Variants in EPHB2 observed in about 807,000 individuals in gnomAD.
EPHB2 encodes EPH receptor B2.
Under a neutral mutation model 96.4 loss-of-function variants are expected in EPHB2, and 18 were observed. That is an observed-to-expected ratio of 0.19 (90% CI 0.13 to 0.28). The LOEUF is 0.28. Ranked by LOEUF, EPHB2 falls within the 10% of genes least tolerant of loss-of-function variation. The pLI, the probability that EPHB2 is intolerant of heterozygous loss-of-function variation, is 1.00. For synonymous variants in EPHB2, 506 were observed against 534.1 expected, an observed-to-expected ratio of 0.95 and a Z score of 0.72; for missense variants, 989 against 1,355.4, an observed-to-expected ratio of 0.73 and a Z score of 4.25.
At chr1:22,880,045 G>A (rs769651323) in intron 5 of EPHB2, among the ~76,000 whole-genome samples, 8 of 152,098 alleles carry the variant, frequency 5.3e-5, no homozygotes, top group African/African-American at 1.7e-4. Flanking sequence ...TGGTCCCCAG[G>A]CTCATTCTCG....
Position 22,912,439 on chromosome 1 carries a change from C to G in EPHB2, c.2697-5C>G, listed in dbSNP as rs1230835332. 1.2e-6 allele frequency: 2 copies of G among 1,614,012 alleles called. No individual in the cohort carries two copies. The highest frequency in any genetic ancestry group is 3.3e-5 in the Admixed American group (2 of 60,024). The stretch of plus-strand genomic sequence containing the variant: ...ACCATCTCTGTCGCCCACCCCCAAC[C>G]CCAGCATCAACCTGCCGCTGCTGGA... On this transcript the variant is annotated splice_polypyrimidine_tract_variant and splice_region_variant and intron_variant, in intron 14 of 15. Transcript: ENST00000374630.
chr1:22,742,612 T>TC (rs1643917578), intron 1 of EPHB2, among the ~76,000 whole-genome samples: 1 of 152,022 alleles, frequency 6.6e-6, no homozygotes, highest in South Asian at 2.1e-4. Flanking sequence ...GCTCAAGCGA[T>TC]CCCCCCACCT....
intron 1 of EPHB2, among the ~76,000 whole-genome samples, chr1:22,772,391 A>G (rs907375471): frequency 4.6e-5 from 7 of 152,140 alleles, no homozygotes; most frequent in Non-Finnish European, 8.8e-5. Flanking sequence ...GAGTGGTGGG[A>G]GGACGAGAAG....
chr1:22,858,275 C>T lies in EPHB2; in HGVS notation c.812-4762C>T, dbSNP rs1645734452. ...AGACCATCAGGACCAACCTCACAGGCCTTGTAGCCAGGCTAGGCATGTGGG... is the reference window on the plus strand; with the variant it reads ...AGACCATCAGGACCAACCTCACAGGTCTTGTAGCCAGGCTAGGCATGTGGG... On this transcript the variant is annotated intron_variant, in intron 3 of 15. Coordinates refer to ENST00000374630, the MANE Select transcript of EPHB2 (RefSeq NM_017449.5). This position sits in a 1 kb window ranked among gnomAD's most constrained non-coding sequence, Gnocchi z 7.7. Among the ~76,000 whole-genome samples, 1 of 152,100 alleles carries T rather than the reference C, an allele frequency of 6.6e-6. No homozygotes were observed. The highest frequency in any genetic ancestry group is 1.5e-5 in the Non-Finnish European group (1 of 68,016).
At chr1:22,851,034 G>T (rs1054595405) in intron 3 of EPHB2, among the ~76,000 whole-genome samples, 1 of 152,140 alleles carries the variant, frequency 6.6e-6, no homozygotes. Flanking sequence ...TTGCTCTGTT[G>T]CCCAGATTGG....
chr1:22,843,153 T>C (rs964862034), intron 3 of EPHB2, among the ~76,000 whole-genome samples: 1 of 152,146 alleles, frequency 6.6e-6, no homozygotes, highest in African/African-American at 2.4e-5. Context: ...CCCCTGCAAG[T>C]ACATGGCACC....
intron 3 of EPHB2, among the ~76,000 whole-genome samples, chr1:22,857,884 C>T (rs1645725411): frequency 6.6e-6 from 1 of 152,210 alleles, no homozygotes; most frequent in East Asian, 1.9e-4. Flanking sequence ...CAATGAAAGC[C>T]AGACAGACCC....
chr1:22,803,035 T>C (rs1021552019), intron 3 of EPHB2, among the ~76,000 whole-genome samples: 4 of 151,668 alleles, frequency 2.6e-5, no homozygotes, highest in Admixed American at 6.6e-5. Context: ...AGCCTGGGAG[T>C]CCCAGAGGCC....
intron 3 of EPHB2, among the ~76,000 whole-genome samples, chr1:22,828,768 AC>A (rs1444813010): frequency 6.6e-6 from 1 of 152,240 alleles, no homozygotes; most frequent in East Asian, 1.9e-4. Context: ...TCATTGAAGC[AC>A]TAAGACGACT....
intron 1 of EPHB2, among the ~76,000 whole-genome samples, chr1:22,714,300 T>A (rs1273996043): frequency 6.6e-6 from 1 of 152,122 alleles, no homozygotes; most frequent in East Asian, 1.9e-4. Flanking sequence ...ATTGCCTCAT[T>A]TTCTCACCAC....
intron 3 of EPHB2, among the ~76,000 whole-genome samples, chr1:22,799,292 G>A (rs1181269431): frequency 6.6e-6 from 1 of 152,044 alleles, no homozygotes; most frequent in Non-Finnish European, 1.5e-5. Flanking sequence ...TGAGGATAAG[G>A]ACCCTGTGTT....
At chr1:22,815,319 A>G (rs1251705548) in intron 3 of EPHB2, among the ~76,000 whole-genome samples, 1 of 152,242 alleles carries the variant, frequency 6.6e-6, no homozygotes, top group East Asian at 1.9e-4. Context: ...GCAGCCCCAC[A>G]CAGCCTAAGA....
At chr1:22,894,124 C>G (rs1204647321) in intron 7 of EPHB2, among the ~76,000 whole-genome samples, 2 of 152,188 alleles carry the variant, frequency 1.3e-5, no homozygotes, top group Non-Finnish European at 2.9e-5. Flanking sequence ...CCTCTCTAAG[C>G]CTTTTTCCAT....
intron 3 of EPHB2, among the ~76,000 whole-genome samples, chr1:22,851,467 C>T (rs951315538): frequency 3.9e-5 from 6 of 152,202 alleles, no homozygotes; most frequent in Admixed American, 6.5e-5. Context: ...AGGCTTTTGC[C>T]GTGATGTGAG....
intron 3 of EPHB2, among the ~76,000 whole-genome samples, chr1:22,787,361 G>T (rs551187816): frequency 6.6e-6 from 1 of 152,322 alleles, no homozygotes; most frequent in South Asian, 2.1e-4. Flanking sequence ...TTTTGGTATG[G>T]CCATGGCTAA....
intron 9 of EPHB2, among the ~76,000 whole-genome samples, chr1:22,897,756 C>T (rs1055232378): frequency 1.3e-5 from 2 of 151,740 alleles, no homozygotes; most frequent in Non-Finnish European, 2.9e-5. Flanking sequence ...CACTGCACTC[C>T]AGCCTGGGTG....
chr1:22,772,343 A>G (rs1361202522), intron 1 of EPHB2, among the ~76,000 whole-genome samples: 1 of 152,158 alleles, frequency 6.6e-6, no homozygotes, highest in Non-Finnish European at 1.5e-5. Flanking sequence ...AAACAAGAGC[A>G]GGCTCCAAGC....
chr1:22,817,062 T>G (rs1185178185), intron 3 of EPHB2, among the ~76,000 whole-genome samples: 1 of 152,132 alleles, frequency 6.6e-6, no homozygotes, highest in Non-Finnish European at 1.5e-5. Context: ...GACAGGAAGA[T>G]CAATACCAAG....
intron 3 of EPHB2, among the ~76,000 whole-genome samples, chr1:22,814,157 C>T (rs769790632): frequency 1.6e-4 from 25 of 151,950 alleles, no homozygotes; most frequent in Non-Finnish European, 3.1e-4. Context: ...GCAACGAGAG[C>T]GAAACTCCAT....
Sources: gnomAD v4.1 joint callset for allele counts (sites outside exome capture counted in the v4.1 genomes callset) on GRCh38, gnomAD v4.1.1 for gene constraint, Gnocchi (gnomAD v3.1) non-coding constraint, MANE v1.5 for transcripts, NCBI Gene and HGNC (gene_info 2026-07-23, HGNC 2026-07-21) for gene names.